Variants in HS3ST2 observed in about 807,000 individuals in gnomAD.
HS3ST2 encodes the protein heparan sulfate-glucosamine 3-sulfotransferase 2, also known as heparan sulfate glucosamine 3-O-sulfotransferase 2.
HS3ST2 carries 17 observed loss-of-function variants against 26.3 expected under a neutral mutation model. That is an observed-to-expected ratio of 0.65 (90% confidence interval 0.44 to 0.97). The LOEUF is 0.97. Ranked by LOEUF, HS3ST2 falls within the 50% of genes least tolerant of loss-of-function variation. HS3ST2 has a pLI of 0.00. For missense variants in HS3ST2, 402 were observed against 501.2 expected, an observed-to-expected ratio of 0.80 and a Z score of 1.89; for synonymous variants, 237 against 219.2, an observed-to-expected ratio of 1.08 and a Z score of -0.72.
Position 22,850,931 on chromosome 16 carries a change from T to C in HS3ST2, c.485+35836T>C, listed in dbSNP as rs1901510856. ...GTTCTACTGGGATGAATGTCAAGCATGACTTACCTGCATGGCTGGGAGCTG... is the reference window on the plus strand; with the variant it reads ...GTTCTACTGGGATGAATGTCAAGCACGACTTACCTGCATGGCTGGGAGCTG... On this transcript the variant is annotated intron_variant, in intron 1 of 1. Coordinates refer to ENST00000261374, the MANE Select transcript of HS3ST2 (RefSeq NM_006043.2). 3.3e-5 allele frequency among the ~76,000 whole-genome samples: 5 copies of C among 152,202 alleles called. No individual in the cohort carries two copies. In the South Asian group the frequency reaches 1.0e-3, roughly 32 times the overall value.
intron 1 of HS3ST2, among the ~76,000 whole-genome samples, chr16:22,906,072 T>A (rs1364218971): frequency 1.3e-5 from 2 of 151,448 alleles, no homozygotes; most frequent in Non-Finnish European, 2.9e-5. Context: ...ATCTGGAGAG[T>A]TTTAAAATTG....
chr16:22,832,537 T>C (rs1013616412), intron 1 of HS3ST2, among the ~76,000 whole-genome samples: 6 of 151,824 alleles, frequency 4.0e-5, no homozygotes, highest in African/African-American at 1.5e-4. Context: ...CTGAATGATG[T>C]TGGGGTCTGA....
chr16:22,852,901 G>A (rs968373125), intron 1 of HS3ST2, among the ~76,000 whole-genome samples: 8 of 152,058 alleles, frequency 5.3e-5, no homozygotes, highest in Non-Finnish European at 1.2e-4. Context: ...TTTTTACGTA[G>A]TCTTGGTTTC....
intron 1 of HS3ST2, among the ~76,000 whole-genome samples, chr16:22,835,101 A>C (rs1901234786): frequency 6.6e-6 from 1 of 152,080 alleles, no homozygotes; most frequent in South Asian, 2.1e-4. Context: ...GATCATCTTC[A>C]TCTTTCAGTA....
At chr16:22,820,125 C>A (rs138375835) in intron 1 of HS3ST2, among the ~76,000 whole-genome samples, 37 of 152,254 alleles carry the variant, frequency 2.4e-4, no homozygotes, top group Middle Eastern at 3.4e-3. Context: ...TTGGTCCAGG[C>A]GAACGTCACA....
intron 1 of HS3ST2, among the ~76,000 whole-genome samples, chr16:22,829,049 A>G (rs938182391): frequency 2.0e-5 from 3 of 152,214 alleles, no homozygotes; most frequent in East Asian, 3.8e-4. Context: ...TCAAATGGCA[A>G]TTGTGCAAGC....
chr16:22,898,894 A>G (rs897597887), intron 1 of HS3ST2, among the ~76,000 whole-genome samples: 3 of 152,148 alleles, frequency 2.0e-5, no homozygotes, highest in African/African-American at 7.2e-5. Flanking sequence ...TACGACAACA[A>G]CATTCGGGAG....
chr16:22,833,246 G>A (rs1396772401), intron 1 of HS3ST2: 1 of 455,876 alleles, frequency 2.2e-6, no homozygotes. Flanking sequence ...TTTTTCACTT[G>A]GGTGAAGTTG....
intron 1 of HS3ST2, among the ~76,000 whole-genome samples, chr16:22,822,435 T>C (rs1901007570): frequency 1.3e-5 from 2 of 152,222 alleles, no homozygotes; most frequent in Admixed American, 1.3e-4. Flanking sequence ...CCTAGAGTGC[T>C]GGGATTACAG....
At chr16:22,876,122 C>T (rs1249635976) in intron 1 of HS3ST2, among the ~76,000 whole-genome samples, 1 of 152,126 alleles carries the variant, frequency 6.6e-6, no homozygotes, top group Admixed American at 6.5e-5. Flanking sequence ...TCCTTTCTTC[C>T]CTCCCAAGTT....
rs191537384 is a variant in HS3ST2, at chr16:22,837,557, A to G, written c.485+22462A>G. On this transcript the variant is annotated intron_variant, in intron 1 of 1. Transcript: ENST00000261374. Reference sequence around the variant, plus strand: ...TACACAGATATATGTATATATATGTATATATATACATATATATATATACAC... The same window carrying G: ...TACACAGATATATGTATATATATGTGTATATATACATATATATATATACAC... Among the ~76,000 whole-genome samples the G allele has an allele frequency of 2.3e-3, 313 of 135,990 alleles. 1 individual carries two copies. The highest frequency in any genetic ancestry group is 8.6e-3 in the African/African-American group (300 of 34,886). 89.2% of individuals were successfully genotyped at this position (135,990 alleles called of 152,430 possible).
Position 22,814,739 on chromosome 16 carries a change from C to T in HS3ST2, c.129C>T (p.Asp43=), listed in dbSNP as rs1425198183. The change falls in exon 1 of 2, where the codon GAC becomes GAT. Residue 43 remains aspartate, a synonymous_variant. Transcript: ENST00000261374. ...LCYSFLCCCD[D]LGRSRLLGAP... is the part of the protein sequence containing the mutation. ...ACAGCTTCCTGTGCTGCTGCGACGA[C>T]CTGGGTCGGAGCCGCCTCCTCGGCG... The T allele has an allele frequency of 1.2e-6, 2 of 1,608,710 alleles. No individual in the cohort carries two copies. The highest frequency in any genetic ancestry group is 2.2e-5 in the East Asian group (1 of 44,780).
chr16:22,823,210 C>A (rs1003869503), intron 1 of HS3ST2, among the ~76,000 whole-genome samples: 1 of 152,176 alleles, frequency 6.6e-6, no homozygotes, highest in Non-Finnish European at 1.5e-5. Context: ...AATTTTTGCT[C>A]TCTAGTGTGA....
chr16:22,904,951 T>G (rs1420214540), intron 1 of HS3ST2, among the ~76,000 whole-genome samples: 1 of 152,238 alleles, frequency 6.6e-6, no homozygotes, highest in African/African-American at 2.4e-5. Context: ...ACAGGTGCTG[T>G]GCCTGCCACA....
At chr16:22,885,510 C>T (rs957608126) in intron 1 of HS3ST2, among the ~76,000 whole-genome samples, 2 of 151,468 alleles carry the variant, frequency 1.3e-5, no homozygotes, top group African/African-American at 4.9e-5. Context: ...GGCTGGGGTG[C>T]AGTGGTGGGA....
chr16:22,817,997 C>T (rs1232992734), intron 1 of HS3ST2, among the ~76,000 whole-genome samples: 1 of 152,230 alleles, frequency 6.6e-6, no homozygotes. Flanking sequence ...ACCTTCTTGT[C>T]CTTAGCCTGA....
chr16:22,875,380 T>TTATTTATTTATG (rs1312476508), intron 1 of HS3ST2, among the ~76,000 whole-genome samples: 2 of 152,000 alleles, frequency 1.3e-5, no homozygotes, highest in African/African-American at 4.8e-5. Context: ...ATTTATTTAT[T>TTATTTATTTATG]TATTTATTTA....
chr16:22,818,749 C>CTTCA (rs1900918566), intron 1 of HS3ST2, among the ~76,000 whole-genome samples: 1 of 54,338 alleles, frequency 1.8e-5, no homozygotes, highest in Non-Finnish European at 3.4e-5. Flanking sequence ...CCCTTCCTTC[C>CTTCA]TTCCTTCCTT....
intron 1 of HS3ST2, among the ~76,000 whole-genome samples, chr16:22,879,502 C>T (rs986985337): frequency 3.2e-4 from 49 of 152,148 alleles, no homozygotes; most frequent in African/African-American, 1.1e-3. Context: ...GGGTGATGAG[C>T]ACACTCTGCT....
Sources: gnomAD v4.1 joint callset for allele counts (sites outside exome capture counted in the v4.1 genomes callset) on GRCh38, gnomAD v4.1.1 for gene constraint, MANE v1.5 for transcripts, NCBI Gene and HGNC (gene_info 2026-07-23, HGNC 2026-07-21) for gene names.